KLHL29: variants seen among roughly 807,000 people sequenced by gnomAD.
The protein encoded by KLHL29 is kelch-like protein 29.
KLHL29 carries 21 observed loss-of-function variants against 80.4 expected under a neutral mutation model. The ratio of observed to expected loss-of-function variants is 0.26; its 90% CI spans 0.19 to 0.38. The LOEUF (loss-of-function observed/expected upper bound fraction) is 0.38, where lower values mean the gene tolerates loss of function less well. Ranked by LOEUF, KLHL29 falls within the 10% of genes least tolerant of loss-of-function variation. KLHL29 has a pLI of 1.00. For synonymous variants in KLHL29, 511 were observed against 526.8 expected, an observed-to-expected ratio of 0.97 and a Z score of 0.41; for missense variants, 867 against 1,223.9, an observed-to-expected ratio of 0.71 and a Z score of 4.35.
Position 23,700,308 on chromosome 2 carries a change from A to G in KLHL29, c.2106-2878A>G, listed in dbSNP as rs1054389924. The stretch of plus-strand genomic sequence containing the variant: ...GTTGTTTTAACCACAAAAATTTAAC[A>G]ATTTTTAATTATTAAAAATTATATA... On this transcript the variant is annotated intron_variant, in intron 11 of 13. Coordinates refer to ENST00000486442, the MANE Select transcript of KLHL29 (RefSeq NM_052920.2). This position sits in a 1 kb window ranked among gnomAD's most constrained non-coding sequence, Gnocchi z 4.6. Among the ~76,000 whole-genome samples, 4 of 152,224 alleles carry G rather than the reference A, an allele frequency of 2.6e-5. No homozygotes were observed. The East Asian group carries it at 7.7e-4, about 29-fold the overall frequency.
chr2:23,624,265 G>T (rs994673206), intron 3 of KLHL29, among the ~76,000 whole-genome samples: 5 of 152,056 alleles, frequency 3.3e-5, no homozygotes, highest in African/African-American at 1.2e-4. Context: ...TAAGCTTAGG[G>T]TTCCTCTGTG....
At position 23,536,293 on chromosome 2, in the gene KLHL29, T is replaced by C. The variant is rs187956684; in HGVS notation, c.-45-25859T>C. Among the ~76,000 whole-genome samples, 5 of 152,324 alleles carry C rather than the reference T, an allele frequency of 3.3e-5. 1 individual carries two copies. The highest frequency in any genetic ancestry group is 1.3e-4 in the Admixed American group (2 of 15,302). On this transcript the variant is annotated intron_variant, in intron 2 of 13. Coordinates refer to ENST00000486442, the MANE Select transcript of KLHL29 (RefSeq NM_052920.2). ...GCCCCAGCAACTCCCAGCATCATGA[T>C]TGGGGTGACCCCATCCTCAAGACCC...
At chr2:23,560,303 GC>G (rs1667417367) in intron 2 of KLHL29, among the ~76,000 whole-genome samples, 1 of 105,972 alleles carries the variant, frequency 9.4e-6, no homozygotes, top group South Asian at 3.2e-4. Context: ...ACGGAGTCTT[GC>G]TCTGTTGACA....
chr2:23,681,414 C>T lies in KLHL29; in HGVS notation c.941-2985C>T, dbSNP rs1004794983. On this transcript the variant is annotated intron_variant, in intron 5 of 13. Transcript: ENST00000486442. This position sits in a 1 kb window ranked among gnomAD's most constrained non-coding sequence, Gnocchi z 4.2. ...AGAATTCCTGGAGCAGAAGGTGTCA[C>T]GGCCGGGGCTGGGGCTTTAGATAGA... is the stretch of plus-strand genomic sequence containing the variant. Among the ~76,000 whole-genome samples, 5 of 152,170 alleles carry T rather than the reference C, an allele frequency of 3.3e-5. No homozygotes were observed. The highest frequency in any genetic ancestry group is 1.9e-4 in the East Asian group (1 of 5,192).
At chr2:23,630,156 T>C (rs1669432915) in intron 3 of KLHL29, among the ~76,000 whole-genome samples, 1 of 151,932 alleles carries the variant, frequency 6.6e-6, no homozygotes, top group Non-Finnish European at 1.5e-5. Context: ...GCACCAGGAG[T>C]GGGAGCCAGG....
In KLHL29 at chr2:23,696,843, C is replaced by T; in HGVS notation, c.2105+330C>T. 1 of 245,564 alleles carries T rather than the reference C, an allele frequency of 4.1e-6. No individual in the cohort carries two copies. Among genetic ancestry groups the T allele is most frequent in the Non-Finnish European group, 7.8e-6 (1 of 128,018 alleles). The allele number at this position is 245,564 out of a possible 1,614,324, so 15.2% of individuals were successfully genotyped here. ...CTGGGATGAGCCAGACCCTCCTGGC[C>T]AGGCAGTCAGGGAACACCCTGCACC... On this transcript the variant is annotated intron_variant, in intron 11 of 13. Coordinates refer to ENST00000486442, the MANE Select transcript of KLHL29 (RefSeq NM_052920.2). The surrounding 1 kb of genome is among the most constrained non-coding windows in gnomAD (Gnocchi z 5.5).
Position 23,596,543 on chromosome 2 carries a change from C to T in KLHL29, c.285+34062C>T, listed in dbSNP as rs1668397562. ...GCACACAACGTGGCTTAAGTCTAAA[C>T]AGAAAATAGACCTCACGCTGAGTCA... On this transcript the variant is annotated intron_variant, in intron 3 of 13. Transcript: ENST00000486442. The surrounding 1 kb of genome is among the most constrained non-coding windows in gnomAD (Gnocchi z 4.4). Among the ~76,000 whole-genome samples, 1 of 152,206 alleles carries T rather than the reference C, an allele frequency of 6.6e-6. No homozygotes were observed. Among genetic ancestry groups the T allele is most frequent in the Non-Finnish European group, 1.5e-5 (1 of 68,046 alleles).
chr2:23,688,560 G>A (rs1189743971), intron 6 of KLHL29, among the ~76,000 whole-genome samples: 1 of 152,140 alleles, frequency 6.6e-6, no homozygotes, highest in Non-Finnish European at 1.5e-5. Context: ...CCTCTGCTGA[G>A]CAGAGGCTGC....
At chr2:23,419,843 A>G (rs958105174) in intron 1 of KLHL29, among the ~76,000 whole-genome samples, 2 of 151,958 alleles carry the variant, frequency 1.3e-5, no homozygotes, top group African/African-American at 4.8e-5. Context: ...TCATTTGTTG[A>G]GAGGAAGGGA....
chr2:23,612,684 G>A (rs1039520584), intron 3 of KLHL29, among the ~76,000 whole-genome samples: 2 of 152,292 alleles, frequency 1.3e-5, no homozygotes, highest in East Asian at 3.9e-4. Flanking sequence ...TGAGGTTGCA[G>A]TGAGCCAAGA....
At chr2:23,496,667 C>G (rs1665274485) in intron 2 of KLHL29, among the ~76,000 whole-genome samples, 1 of 152,240 alleles carries the variant, frequency 6.6e-6, no homozygotes, top group Non-Finnish European at 1.5e-5. Flanking sequence ...GGGGCCAGAG[C>G]TGCCCTAGGG....
At chr2:23,559,686 C>T (rs991066412) in intron 2 of KLHL29, among the ~76,000 whole-genome samples, 19 of 151,778 alleles carry the variant, frequency 1.3e-4, no homozygotes, top group African/African-American at 4.4e-4. Flanking sequence ...CGTTTAGGTA[C>T]CTGTGGAACA....
intron 3 of KLHL29, among the ~76,000 whole-genome samples, chr2:23,625,262 T>C (rs1261563353): frequency 6.6e-6 from 1 of 152,236 alleles, no homozygotes; most frequent in Non-Finnish European, 1.5e-5. Context: ...CTCCACTTAC[T>C]GTGATGTTTA....
intron 2 of KLHL29, among the ~76,000 whole-genome samples, chr2:23,490,406 T>C (rs1270695326): frequency 6.6e-6 from 1 of 152,200 alleles, no homozygotes; most frequent in Non-Finnish European, 1.5e-5. Flanking sequence ...AAGAGAAGAA[T>C]TTTTATATTT....
intron 5 of KLHL29, among the ~76,000 whole-genome samples, chr2:23,652,690 C>T (rs1202376181): frequency 6.6e-6 from 1 of 152,200 alleles, no homozygotes; most frequent in African/African-American, 2.4e-5. Context: ...GATATTCTAA[C>T]TTTTCTATAA....
chr2:23,454,240 C>A (rs1663974881), intron 1 of KLHL29, among the ~76,000 whole-genome samples: 1 of 152,088 alleles, frequency 6.6e-6, no homozygotes, highest in Non-Finnish European at 1.5e-5. Flanking sequence ...CCGCCCCGGC[C>A]CCTTGAGATC....
intron 1 of KLHL29, among the ~76,000 whole-genome samples, chr2:23,402,382 C>T (rs561107801): frequency 2.0e-5 from 3 of 152,344 alleles, no homozygotes; most frequent in Non-Finnish European, 2.9e-5. Context: ...AAAAGATAAA[C>T]TTTGCTCCAT....
chr2:23,425,721 G>A (rs1450727660), intron 1 of KLHL29, among the ~76,000 whole-genome samples: 4 of 152,140 alleles, frequency 2.6e-5, no homozygotes, highest in Admixed American at 6.5e-5. Flanking sequence ...GATTAGACTG[G>A]GTGTACTGGG....
intron 11 of KLHL29, among the ~76,000 whole-genome samples, chr2:23,702,367 T>C (rs1672452754): frequency 6.6e-6 from 1 of 152,216 alleles, no homozygotes; most frequent in Non-Finnish European, 1.5e-5. Flanking sequence ...TATTTTATAA[T>C]AAAATGTCAG....
Sources: gnomAD v4.1 joint callset for allele counts (sites outside exome capture counted in the v4.1 genomes callset) on GRCh38, gnomAD v4.1.1 for gene constraint, Gnocchi (gnomAD v3.1) non-coding constraint, MANE v1.5 for transcripts, NCBI Gene and HGNC (gene_info 2026-07-23, HGNC 2026-07-21) for gene names.